The following GALNT2 variants were observed in gnomAD, a reference collection of about 807,000 sequenced individuals.
The protein encoded by GALNT2 is polypeptide N-acetylgalactosaminyltransferase 2.
GALNT2 carries 31 observed loss-of-function variants against 81.4 expected under a neutral mutation model. That is an observed-to-expected ratio of 0.38 (90% CI 0.29 to 0.51). The LOEUF is 0.51. Ranked by LOEUF, GALNT2 falls within the 20% of genes least tolerant of loss-of-function variation. The pLI is 0.87. For missense variants in GALNT2, 629 were observed against 765.7 expected, an observed-to-expected ratio of 0.82 and a Z score of 2.11; for synonymous variants, 303 against 287.4, an observed-to-expected ratio of 1.05 and a Z score of -0.55.
At chr1:230,069,291 G>GTTTTGTTTTGT (rs1553309230) in intron 1 of GALNT2, among the ~76,000 whole-genome samples, 9 of 151,094 alleles carry the variant, frequency 6.0e-5, no homozygotes, top group African/African-American at 2.0e-4. Flanking sequence ...GTTTTGTTTT[G>GTTTTGTTTTGT]TTTTTTTTAA....
chr1:230,214,475 C>T (rs762443175), intron 3 of GALNT2, among the ~76,000 whole-genome samples: 1 of 152,208 alleles, frequency 6.6e-6, no homozygotes, highest in Non-Finnish European at 1.5e-5. Flanking sequence ...TGACTGTCAG[C>T]ACCTTTACGT....
chr1:230,100,867 ATACATG>A (rs893573033), intron 1 of GALNT2, among the ~76,000 whole-genome samples: 2 of 49,730 alleles, frequency 4.0e-5, no homozygotes, highest in African/African-American at 1.6e-4. Flanking sequence ...TATGGGAAAT[ATACATG>A]TACACATGCG....
chr1:230,252,012 C>A (rs1418632945), intron 10 of GALNT2, among the ~76,000 whole-genome samples: 1 of 152,096 alleles, frequency 6.6e-6, no homozygotes, highest in Non-Finnish European at 1.5e-5. Flanking sequence ...TGAAGATGAA[C>A]CCTGCAAGCA....
At position 230,254,860 on chromosome 1, in the gene GALNT2, C is replaced by T. The variant is rs1275614141; in HGVS notation, c.1010-358C>T. On this transcript the variant is annotated intron_variant, in intron 10 of 15. Transcript: ENST00000366672. The stretch of plus-strand genomic sequence containing the variant: ...CAAGTGTTTTGTCACTCAGTAGTTA[C>T]GATGATACTGGGGTATACATGATCT... 7.2e-5 allele frequency among the ~76,000 whole-genome samples: 11 copies of T among 152,304 alleles called. No homozygotes were observed. In the East Asian group the frequency reaches 2.1e-3, roughly 29 times the overall value.
chr1:230,058,024 C>T (rs1658954995), exon 1 of GALNT2: 1 of 456,102 alleles, frequency 2.2e-6, no homozygotes, highest in Non-Finnish European at 4.4e-6. Flanking sequence ...GGCTGGAGAT[C>T]ATCTATGTGG....
rs1292048414 is a variant in GALNT2, at chr1:230,279,941, A to T, written c.*483A>T. 2.2e-6 allele frequency: 1 copy of T among 456,512 alleles called. No individual in the cohort carries two copies. The highest frequency in any genetic ancestry group is 2.3e-5 in the Admixed American group (1 of 42,582). 28.3% of individuals were successfully genotyped at this position (456,512 alleles called of 1,614,324 possible). A position where few individuals can be genotyped will look rare whatever the true frequency, so the allele number is the denominator to read the frequency against. On this transcript the variant is annotated 3_prime_UTR_variant, in exon 16 of 16. Coordinates refer to ENST00000366672, the MANE Select transcript of GALNT2 (RefSeq NM_004481.5). The surrounding 1 kb of genome is among the most constrained non-coding windows in gnomAD (Gnocchi z 4.6). ...CCGAGTCGTGTCACGTGGCAGGTTT[A>T]CGTCAATAGTCCCTCTCTCTGCTCC...
intron 1 of GALNT2, among the ~76,000 whole-genome samples, chr1:230,170,709 T>A (rs915972062): frequency 6.6e-6 from 1 of 152,214 alleles, no homozygotes; most frequent in African/African-American, 2.4e-5. Flanking sequence ...AGGAAACTTT[T>A]CATCATGGTA....
At chr1:230,269,772 C>T (rs1666122862) in intron 14 of GALNT2, among the ~76,000 whole-genome samples, 1 of 152,088 alleles carries the variant, frequency 6.6e-6, no homozygotes, top group South Asian at 2.1e-4. Context: ...TGACCTGTGC[C>T]TGTAGTCCAA....
At chr1:230,277,388 G>A (rs1190219564) in intron 15 of GALNT2, among the ~76,000 whole-genome samples, 1 of 152,184 alleles carries the variant, frequency 6.6e-6, no homozygotes, top group Non-Finnish European at 1.5e-5. Flanking sequence ...ACACATGACA[G>A]GCAGTCCCTC....
chr1:230,198,259 T>G (rs1663768970), intron 2 of GALNT2, among the ~76,000 whole-genome samples: 2 of 152,040 alleles, frequency 1.3e-5, no homozygotes, highest in Non-Finnish European at 2.9e-5. Context: ...GGTGAGGAGC[T>G]CCATCTTCAC....
intron 1 of GALNT2, among the ~76,000 whole-genome samples, chr1:230,162,693 T>C (rs1662471867): frequency 6.6e-6 from 1 of 152,198 alleles, no homozygotes; most frequent in Non-Finnish European, 1.5e-5. Context: ...AGTATGTGAC[T>C]TAACTGTTTG....
At chr1:230,194,346 G>A (rs1382769684) in intron 2 of GALNT2, among the ~76,000 whole-genome samples, 1 of 152,192 alleles carries the variant, frequency 6.6e-6, no homozygotes, top group East Asian at 1.9e-4. Context: ...GCAGACAGAA[G>A]TGGTGGGAAG....
upstream of GALNT2, among the ~76,000 whole-genome samples, chr1:230,066,452 T>C (rs188603585): frequency 2.0e-5 from 3 of 152,362 alleles, no homozygotes; most frequent in East Asian, 1.9e-4. Flanking sequence ...AACTCTACCA[T>C]TGATAGCTCT....
At chr1:230,230,293 T>G (rs1316543126) in intron 3 of GALNT2, among the ~76,000 whole-genome samples, 1 of 152,132 alleles carries the variant, frequency 6.6e-6, no homozygotes, top group Non-Finnish European at 1.5e-5. Context: ...CAAACTCAAT[T>G]TACAAATCGA....
rs1182329307 is a variant in GALNT2, at chr1:230,070,003, T to C, written c.126+2597T>C. Among the ~76,000 whole-genome samples, 2 of 152,196 alleles carry C rather than the reference T, an allele frequency of 1.3e-5. No individual in the cohort carries two copies. The highest frequency in any genetic ancestry group is 4.8e-5 in the African/African-American group (2 of 41,448). On this transcript the variant is annotated intron_variant, in intron 1 of 15. Coordinates refer to ENST00000366672, the MANE Select transcript of GALNT2 (RefSeq NM_004481.5). The surrounding 1 kb of genome is among the most constrained non-coding windows in gnomAD (Gnocchi z 4.7). ...CAGCAGCCCAGCCCAGGCTTGTCAT[T>C]GTGTGCCCTGCCTGTTAAGTAACTC...
rs114289608 is a variant in GALNT2, at chr1:230,224,678, C to T, written c.375-11336C>T. Among the ~76,000 whole-genome samples, 507 of 152,296 alleles carry T rather than the reference C, an allele frequency of 3.3e-3. 2 individuals are homozygous for T. Among genetic ancestry groups the T allele is most frequent in the African/African-American group, 0.012 (488 of 41,560 alleles). On this transcript the variant is annotated intron_variant, in intron 3 of 15. Transcript: ENST00000366672. ...GGGCAGCATTTTCTGTGGCCGGTGC[C>T]GAAGCGTGGAGTGTTTGGTGAGCGA...
At chr1:230,099,324 C>CCGGG (rs1233512116) in intron 1 of GALNT2, among the ~76,000 whole-genome samples, 10 of 152,214 alleles carry the variant, frequency 6.6e-5, no homozygotes, top group African/African-American at 2.2e-4. Flanking sequence ...TTTCCGAGTC[C>CCGGG]CGGGATGGGG....
In GALNT2 at chr1:230,279,363, G is replaced by A. The variant is rs1041571686; in HGVS notation, c.1621G>A (p.Asp541Asn). 1 of 1,614,054 alleles carries A rather than the reference G, an allele frequency of 6.2e-7. No individual in the cohort carries two copies. Among genetic ancestry groups the A allele is most frequent in the African/African-American group, 1.3e-5 (1 of 74,920 alleles). The change falls in exon 16 of 16, where the codon GAC becomes AAC. Residue 541 changes from aspartate to asparagine, a missense_variant. By Grantham distance (23) the Asp-to-Asn change is conservative. Coordinates refer to ENST00000366672, the MANE Select transcript of GALNT2 (RefSeq NM_004481.5). The surrounding 1 kb of genome is among the most constrained non-coding windows in gnomAD (Gnocchi z 4.6). ...GCACGTGGGCAGCAACCTGTGCCTGGACAGTCGCACGGCCAAGAGCGGGGG... is the reference window on the plus strand; with the variant it reads ...GCACGTGGGCAGCAACCTGTGCCTGAACAGTCGCACGGCCAAGAGCGGGGG... ...LRHVGSNLCL[D>N]SRTAKSGGLS... is the part of the protein sequence containing the mutation.
intron 1 of GALNT2, among the ~76,000 whole-genome samples, chr1:230,160,839 C>CAGA (rs1662410187): frequency 6.6e-6 from 1 of 152,026 alleles, no homozygotes; most frequent in East Asian, 2.0e-4. Context: ...TTCTGTGTTA[C>CAGA]AGAAGGGGAT....
Sources: gnomAD v4.1 joint callset for allele counts (sites outside exome capture counted in the v4.1 genomes callset) on GRCh38, gnomAD v4.1.1 for gene constraint, Gnocchi (gnomAD v3.1) non-coding constraint, MANE v1.5 for transcripts, NCBI Gene and HGNC (gene_info 2026-07-23, HGNC 2026-07-21) for gene names.